THSD4: variants seen among roughly 807,000 people sequenced by gnomAD.
The protein encoded by THSD4 is thrombospondin type 1 domain containing 4.
Under a neutral mutation model 119.0 loss-of-function variants are expected in THSD4, and 69 were observed. That is an observed-to-expected ratio of 0.58 (90% CI 0.48 to 0.71). The LOEUF (loss-of-function observed/expected upper bound fraction) is 0.71. Among genes scored for constraint, THSD4 ranks in the 30% least tolerant of loss-of-function variants. THSD4 has a pLI of 0.00. For missense variants in THSD4, 1,393 were observed against 1,391.1 expected, an observed-to-expected ratio of 1.00 and a Z score of -0.02; for synonymous variants, 524 against 540.4, an observed-to-expected ratio of 0.97 and a Z score of 0.42.
intron 6 of THSD4, among the ~76,000 whole-genome samples, chr15:71,395,258 G>A (rs2140475350): frequency 6.6e-6 from 1 of 152,228 alleles, no homozygotes; most frequent in Admixed American, 6.5e-5. Context: ...CCCAAAACGG[G>A]GAGCTCAGTA....
chr15:71,374,226 G>T (rs1218793012), intron 6 of THSD4, among the ~76,000 whole-genome samples: 1 of 152,194 alleles, frequency 6.6e-6, no homozygotes, highest in Admixed American at 6.5e-5. Context: ...AGAGGGAAGT[G>T]TACCTTTCTT....
rs1297574292 is a variant in THSD4, at chr15:71,771,103, G to T, written c.2809G>T (p.Val937Leu). ...SCQGGFRVREVRCLSDDMTLS... is the reference protein window; with the variant it reads ...SCQGGFRVRELRCLSDDMTLS... Reference sequence around the variant, plus strand: ...CCAGGGTGGCTTTCGGGTCCGGGAAGTGCGGTGTCTGTCTGATGACATGAC... The same window carrying T: ...CCAGGGTGGCTTTCGGGTCCGGGAATTGCGGTGTCTGTCTGATGACATGAC... Residue 937 changes from valine to leucine, a missense_variant, in exon 17 of 18, where the codon GTG becomes TTG. Physicochemically the swap from Val to Leu is conservative, Grantham distance 32. Transcript: ENST00000261862. 1 of 1,614,104 alleles carries T rather than the reference G, an allele frequency of 6.2e-7. No individual in the cohort carries two copies. Among genetic ancestry groups the T allele is most frequent in the Non-Finnish European group, 8.5e-7 (1 of 1,180,036 alleles).
chr15:71,578,317 C>T (rs1431493292), intron 7 of THSD4, among the ~76,000 whole-genome samples: 3 of 151,914 alleles, frequency 2.0e-5, no homozygotes, highest in Admixed American at 2.0e-4. Context: ...GCTGAGTGCC[C>T]TTCTTAACAG....
intron 6 of THSD4, among the ~76,000 whole-genome samples, chr15:71,368,186 C>A (rs532438709): frequency 9.9e-5 from 15 of 151,988 alleles, no homozygotes; most frequent in Non-Finnish European, 2.1e-4. Context: ...GGATATTAGC[C>A]CTTTGTCAGA....
chr15:71,755,581 A>T (rs547633224), intron 14 of THSD4, among the ~76,000 whole-genome samples: 17 of 152,228 alleles, frequency 1.1e-4, no homozygotes, highest in Middle Eastern at 3.4e-3. Flanking sequence ...GAAATGAACA[A>T]GGCAGGGCCC....
intron 6 of THSD4, among the ~76,000 whole-genome samples, chr15:71,353,154 C>T (rs190579599): frequency 6.6e-6 from 1 of 152,330 alleles, no homozygotes; most frequent in East Asian, 1.9e-4. Flanking sequence ...CTGACATCAA[C>T]AGACATTGAC....
intron 7 of THSD4, among the ~76,000 whole-genome samples, chr15:71,600,808 G>A (rs1448104383): frequency 6.6e-6 from 1 of 150,728 alleles, no homozygotes; most frequent in East Asian, 2.0e-4. Context: ...GTGCTGTGGC[G>A]CAATCTCAGC....
intron 7 of THSD4, among the ~76,000 whole-genome samples, chr15:71,487,252 C>T (rs2047837304): frequency 6.6e-6 from 1 of 152,196 alleles, no homozygotes; most frequent in Non-Finnish European, 1.5e-5. Context: ...CAACTTATCT[C>T]TCTGTTTGGA....
intron 9 of THSD4, 136 bp from the exon 10 acceptor site, chr15:71,730,985 G>A (rs941375294): frequency 1.4e-6 from 1 of 719,636 alleles, no homozygotes; most frequent in African/African-American, 1.8e-5. Flanking sequence ...ATCTGCCACA[G>A]GTTCACTGAT....
intron 7 of THSD4, among the ~76,000 whole-genome samples, chr15:71,610,661 A>G (rs563603279): frequency 7.9e-5 from 12 of 152,346 alleles, no homozygotes; most frequent in African/African-American, 2.9e-4. Flanking sequence ...ATGTACCTGT[A>G]TATACTTATA....
intron 7 of THSD4, among the ~76,000 whole-genome samples, chr15:71,485,149 A>G (rs147627717): frequency 3.7e-4 from 57 of 152,294 alleles, no homozygotes; most frequent in African/African-American, 1.4e-3. Context: ...ATCCTCATTA[A>G]TGCTGATGGC....
At chr15:71,611,557 A>G (rs913634907) in intron 7 of THSD4, among the ~76,000 whole-genome samples, 14 of 152,120 alleles carry the variant, frequency 9.2e-5, no homozygotes, top group Admixed American at 3.9e-4. Flanking sequence ...AGCACTGGGG[A>G]CCCCCAAAGA....
At chr15:71,342,003 T>C (rs1009118979) in intron 6 of THSD4, among the ~76,000 whole-genome samples, 1 of 152,162 alleles carries the variant, frequency 6.6e-6, no homozygotes, top group African/African-American at 2.4e-5. Flanking sequence ...GGATTAACTC[T>C]TGTTAACAGT....
chr15:71,263,737 C>G (rs190837432), intron 6 of THSD4, among the ~76,000 whole-genome samples: 1 of 152,186 alleles, frequency 6.6e-6, no homozygotes, highest in Admixed American at 6.5e-5. Context: ...ATTGTTTCTG[C>G]TCACATCTCA....
At chr15:71,704,268 A>G (rs1356253846) in intron 8 of THSD4, among the ~76,000 whole-genome samples, 1 of 152,206 alleles carries the variant, frequency 6.6e-6, no homozygotes, top group Non-Finnish European at 1.5e-5. Context: ...CATTACATTA[A>G]TCCTTGATAT....
chr15:71,639,301 A>G (rs1195897861), intron 7 of THSD4, among the ~76,000 whole-genome samples: 1 of 152,220 alleles, frequency 6.6e-6, no homozygotes, highest in Non-Finnish European at 1.5e-5. Flanking sequence ...GGTAGCTTGC[A>G]TGGGGGCTGG....
intron 7 of THSD4, among the ~76,000 whole-genome samples, chr15:71,658,699 G>T (rs908161460): frequency 2.6e-5 from 4 of 152,202 alleles, no homozygotes; most frequent in Non-Finnish European, 5.9e-5. Flanking sequence ...AAATGTGCGT[G>T]GGGCAGATTG....
chr15:71,507,504 A>G (rs2048208468), intron 7 of THSD4, among the ~76,000 whole-genome samples: 1 of 152,190 alleles, frequency 6.6e-6, no homozygotes, highest in African/African-American at 2.4e-5. Context: ...AGCCACACTC[A>G]GATCTTCCCC....
chr15:71,702,299 T>C (rs774740625), intron 8 of THSD4, among the ~76,000 whole-genome samples: 5 of 152,226 alleles, frequency 3.3e-5, no homozygotes, highest in Admixed American at 6.5e-5. Flanking sequence ...ATTTAAACTC[T>C]TAGTTAATTG....
Sources: allele counts gnomAD v4.1 joint callset (sites outside exome capture counted in the v4.1 genomes callset), GRCh38; gene constraint gnomAD v4.1.1; transcripts MANE v1.5; gene names NCBI Gene and HGNC (gene_info 2026-07-23, HGNC 2026-07-21).